The following DTNA variants were observed in gnomAD, a reference collection of about 807,000 sequenced individuals.
DTNA encodes the protein dystrobrevin alpha, also known as dystrophin-related protein 3.
In DTNA, 43 loss-of-function variants were observed where a neutral mutation model predicts 100.7. That is an observed-to-expected ratio of 0.43 (90% confidence interval 0.33 to 0.55). The LOEUF is 0.55. Ranked by LOEUF, DTNA falls within the 20% of genes least tolerant of loss-of-function variation. The probability of loss-of-function intolerance (pLI) is 0.04; values close to 1 mark genes in which losing one functional copy is unlikely to be tolerated. For missense variants in DTNA, 798 were observed against 953.9 expected (o/e 0.84, Z 2.15); for synonymous variants, 349 against 347.9 (o/e 1.00, Z -0.04).
chr18:34,714,973 C>T (rs1445024893), intron 1 of DTNA, among the ~76,000 whole-genome samples: 3 of 149,694 alleles, frequency 2.0e-5, no homozygotes, highest in Admixed American at 6.8e-5. Flanking sequence ...AACCAAACAC[C>T]GCATATTCTC....
In DTNA at chr18:34,818,278, A is replaced by G. The variant is rs373047659; in HGVS notation, c.824A>G (p.His275Arg). ...TGTCAGGACTGCTTCTGGAGGGGAC[A>G]TGCCGGTGGTTCTCATAGCAACCAG... ...QLCQDCFWRG[H>R]AGGSHSNQHQ... The change falls in exon 8 of 23, where the codon CAT (histidine) becomes CGT (arginine). Residue 275 changes from histidine (H) to arginine (R), a missense_variant. Physicochemically the swap from His to Arg is conservative, Grantham distance 29 (BLOSUM62 0). Coordinates refer to ENST00000444659, the MANE Select transcript of DTNA (RefSeq NM_001386795.1). 14 of 1,613,974 alleles carry G rather than the reference A, an allele frequency of 8.7e-6. No individual in the cohort carries two copies. Among genetic ancestry groups the G allele is most frequent in the Middle Eastern group, 1.6e-4 (1 of 6,084 alleles).
intron 1 of DTNA, among the ~76,000 whole-genome samples, chr18:34,667,425 T>C (rs1356580234): frequency 2.0e-5 from 3 of 152,208 alleles, no homozygotes; most frequent in Non-Finnish European, 4.4e-5. Context: ...TTCCTTCTCC[T>C]GCCTAATTGC....
intron 1 of DTNA, among the ~76,000 whole-genome samples, chr18:34,616,048 T>C (rs1381378053): frequency 6.6e-6 from 1 of 152,256 alleles, no homozygotes; most frequent in Non-Finnish European, 1.5e-5. Context: ...ACAGTTAACA[T>C]ACATGTGCAT....
chr18:34,765,348 A>G (rs907314264), intron 2 of DTNA, among the ~76,000 whole-genome samples: 4 of 152,224 alleles, frequency 2.6e-5, no homozygotes, highest in African/African-American at 4.8e-5. Context: ...GAAAGTTGTT[A>G]GTAATAAAAA....
At chr18:34,558,197 A>G (rs2046297115) in intron 1 of DTNA, 1 of 152,880 alleles carries the variant, frequency 6.5e-6, no homozygotes, top group Non-Finnish European at 1.5e-5. Flanking sequence ...TGCGCTTCCC[A>G]AGTGAGGCAA....
chr18:34,680,684 T>C (rs1048733220), intron 1 of DTNA, among the ~76,000 whole-genome samples: 1 of 152,206 alleles, frequency 6.6e-6, no homozygotes, highest in African/African-American at 2.4e-5. Context: ...ATGGTAATTC[T>C]ATTTATTTAC....
intron 3 of DTNA, among the ~76,000 whole-genome samples, chr18:34,792,759 A>G (rs1482266722): frequency 6.6e-6 from 1 of 152,226 alleles, no homozygotes; most frequent in Non-Finnish European, 1.5e-5. Context: ...AACTTTCTTT[A>G]AAAATTAAAC....
intron 1 of DTNA, among the ~76,000 whole-genome samples, chr18:34,553,806 A>G (rs1043782123): frequency 6.6e-6 from 1 of 152,188 alleles, no homozygotes; most frequent in Non-Finnish European, 1.5e-5. Context: ...GAAGTCAGAT[A>G]GTGTGATGCC....
chr18:34,569,022 G>A (rs1348652105), intron 1 of DTNA, among the ~76,000 whole-genome samples: 4 of 152,180 alleles, frequency 2.6e-5, no homozygotes, highest in Non-Finnish European at 5.9e-5. Context: ...TGAATCCATG[G>A]TATTTCCAGC....
At position 34,755,900 on chromosome 18, in the gene DTNA, A is replaced by G. The variant is rs1035859160; in HGVS notation, c.-1-76A>G. The G allele has an allele frequency of 1.3e-5, 17 of 1,290,526 alleles. No individual in the cohort carries two copies. In the African/African-American group the frequency reaches 2.5e-4, roughly 19 times the overall value. The allele number at this position is 1,290,526 out of a possible 1,614,324, so 79.9% of individuals were successfully genotyped here. A position where few individuals can be genotyped will look rare whatever the true frequency, so the allele number is the denominator to read the frequency against. On this transcript the variant is annotated intron_variant, in intron 1 of 22. Coordinates refer to ENST00000444659, the MANE Select transcript of DTNA (RefSeq NM_001386795.1). ...ATGTGTTTGTGTCACAAGTACAGCA[A>G]GTACGTTTACAGAGAAATGGCTTCT...
intron 17 of DTNA, 150 bp downstream of exon 17, chr18:34,864,212 C>A: frequency 1.5e-6 from 1 of 668,288 alleles, no homozygotes; most frequent in Non-Finnish European, 2.6e-6. Flanking sequence ...ATTTGTTAGA[C>A]CAGTGTAGCA....
chr18:34,838,165 G>C lies in DTNA; in HGVS notation c.1247G>C (p.Gly416Ala), dbSNP rs1344170762. 1 of 1,613,646 alleles carries C rather than the reference G, an allele frequency of 6.2e-7. No homozygotes were observed. Among genetic ancestry groups the C allele is most frequent in the Non-Finnish European group, 8.5e-7 (1 of 1,179,776 alleles). ...AGGGCTGCTCCAGCTTTTCTGAAGG[G>C]CAAAGGGTAAGTTACAGCCAGAGTG... ...LARAAPAFLKGKGIQYSLNVA... is the reference protein window; with the variant it reads ...LARAAPAFLKAKGIQYSLNVA... Residue 416 changes from glycine (G) to alanine (A), a missense_variant, in exon 12 of 23, where the codon GGC becomes GCC. Coordinates refer to ENST00000444659, the MANE Select transcript of DTNA (RefSeq NM_001386795.1).
chr18:34,837,978 A>C, intron 11 of DTNA, 116 bp from the exon 12 acceptor site: 30 of 905,714 alleles, frequency 3.3e-5, no homozygotes, highest in Non-Finnish European at 4.4e-5. Context: ...CAAAATAATA[A>C]GAGATCTGTC....
At chr18:34,800,520 G>A (rs1410970411) in intron 4 of DTNA, among the ~76,000 whole-genome samples, 42 of 152,164 alleles carry the variant, frequency 2.8e-4, no homozygotes, top group Admixed American at 2.8e-3. Context: ...GGAAGCAGAG[G>A]GAGGAAGCAA....
intron 1 of DTNA, among the ~76,000 whole-genome samples, chr18:34,550,568 A>C (rs1460819922): frequency 1.3e-5 from 2 of 152,176 alleles, no homozygotes; most frequent in Non-Finnish European, 2.9e-5. Flanking sequence ...TTTGAGTCTG[A>C]GAATTGTCAT....
At chr18:34,736,347 A>G (rs2089584964) in intron 1 of DTNA, among the ~76,000 whole-genome samples, 1 of 152,222 alleles carries the variant, frequency 6.6e-6, no homozygotes, top group South Asian at 2.1e-4. Context: ...CAAATGAATT[A>G]TATATGAACC....
At chr18:34,835,860 G>A (rs552792221) in intron 11 of DTNA, among the ~76,000 whole-genome samples, 4 of 152,336 alleles carry the variant, frequency 2.6e-5, no homozygotes, top group Non-Finnish European at 5.9e-5. Context: ...GGTTGTCCCT[G>A]TGCAATTATT....
chr18:34,690,651 A>T (rs2079619299), intron 1 of DTNA, among the ~76,000 whole-genome samples: 2 of 152,230 alleles, frequency 1.3e-5, no homozygotes, highest in African/African-American at 2.4e-5. Context: ...TTTAATCATG[A>T]TGTAATCTCA....
intron 1 of DTNA, among the ~76,000 whole-genome samples, chr18:34,721,264 A>G (rs933946405): frequency 1.3e-5 from 2 of 152,228 alleles, no homozygotes; most frequent in Non-Finnish European, 2.9e-5. Flanking sequence ...GAAAATGGCT[A>G]TTACAAATAA....
Sources: gnomAD v4.1 joint callset for allele counts (sites outside exome capture counted in the v4.1 genomes callset) on GRCh38, gnomAD v4.1.1 for gene constraint, MANE v1.5 for transcripts, NCBI Gene and HGNC (gene_info 2026-07-23, HGNC 2026-07-21) for gene names.